MYO9B: variants seen among roughly 807,000 people sequenced by gnomAD.
The protein encoded by MYO9B is myosin IXB.
A neutral mutation model predicts 229.5 loss-of-function variants in MYO9B; 71 were observed. The ratio of observed to expected loss-of-function variants is 0.31; its 90% CI spans 0.26 to 0.38. The LOEUF is 0.38. Among genes scored for constraint, MYO9B ranks in the 10% least tolerant of loss-of-function variants. The probability of loss-of-function intolerance (pLI) is 1.00; values close to 1 mark genes in which losing one functional copy is unlikely to be tolerated. For synonymous variants in MYO9B, 1,185 were observed against 1,235.8 expected (o/e 0.96, Z 0.86); for missense variants, 2,255 against 2,920.5 (o/e 0.77, Z 5.25).
chr19:17,149,344 G>A (rs182261795), intron 3 of MYO9B, among the ~76,000 whole-genome samples: 41 of 152,166 alleles, frequency 2.7e-4, no homozygotes, highest in African/African-American at 9.6e-4. Context: ...CCCACCATTG[G>A]ACCAGACACC....
chr19:17,152,523 G>A lies in MYO9B; in HGVS notation c.936-121G>A, dbSNP rs948226975. On this transcript the variant is annotated intron_variant, in intron 3 of 39. Transcript: ENST00000682292. ...GGTTGCAGTGAGCCGAGATTGTGCC[G>A]TTGTACTCCAGCCTGAACAACAGAG... is the stretch of plus-strand genomic sequence containing the variant. 1.0e-4 allele frequency: 76 copies of A among 724,490 alleles called. 1 individual carries two copies. Among genetic ancestry groups the A allele is most frequent in the Non-Finnish European group, 1.4e-4 (65 of 464,704 alleles). 44.9% of individuals were successfully genotyped at this position (724,490 alleles called of 1,614,324 possible).
chr19:17,165,747 T>C (rs1297650253), intron 10 of MYO9B, among the ~76,000 whole-genome samples: 2 of 152,064 alleles, frequency 1.3e-5, no homozygotes, highest in Non-Finnish European at 2.9e-5. Context: ...TGCACTCCAA[T>C]GTAGGCAACA....
chr19:17,168,187 CAG>C (rs2072681722), intron 11 of MYO9B, 123 bp downstream of exon 11: 23 of 1,319,372 alleles, frequency 1.7e-5, no homozygotes, highest in Non-Finnish European at 2.3e-5. Flanking sequence ...ATTTTTGAGA[CAG>C]GGTCTCACTC....
At chr19:17,112,417 G>A (rs1383746560) in intron 2 of MYO9B, among the ~76,000 whole-genome samples, 1 of 152,212 alleles carries the variant, frequency 6.6e-6, no homozygotes, top group Non-Finnish European at 1.5e-5. Context: ...GTGGCCAGAG[G>A]GAGGCTGGCT....
chr19:17,152,185 AC>A (rs1328616242), intron 3 of MYO9B, among the ~76,000 whole-genome samples: 46 of 140,744 alleles, frequency 3.3e-4, no homozygotes, highest in African/African-American at 1.2e-3. Flanking sequence ...AGACTCCATC[AC>A]AAAAAAAAAA....
chr19:17,191,544 C>T (rs2072985745), intron 20 of MYO9B, among the ~76,000 whole-genome samples: 1 of 152,062 alleles, frequency 6.6e-6, no homozygotes, highest in Non-Finnish European at 1.5e-5. Context: ...CAGGAGGTGG[C>T]CTGCACTTGT....
intron 2 of MYO9B, among the ~76,000 whole-genome samples, chr19:17,125,305 C>CA (rs1396799868): frequency 7.2e-6 from 1 of 138,782 alleles, no homozygotes; most frequent in African/African-American, 2.9e-5. Context: ...CATCCCCCCC[C>CA]CCCCAAAAAA....
At chr19:17,097,531 AG>A (rs1274061189) in intron 1 of MYO9B, among the ~76,000 whole-genome samples, 2 of 152,216 alleles carry the variant, frequency 1.3e-5, no homozygotes, top group Non-Finnish European at 2.9e-5. Flanking sequence ...TAAACTATAC[AG>A]TATATATCTA....
In MYO9B at chr19:17,135,627, G is replaced by A. The variant is rs549111143; in HGVS notation, c.841-9770G>A. Among the ~76,000 whole-genome samples, 20 of 152,318 alleles carry A rather than the reference G, an allele frequency of 1.3e-4. No homozygotes were observed. In the South Asian group the frequency reaches 3.9e-3, roughly 30 times the overall value. ...TAGATGGGCTTTGAAAAGTCGCAGT[G>A]TGCTGAGACCGCATACCAGACGCGT... On this transcript the variant is annotated intron_variant, in intron 2 of 39. Transcript: ENST00000682292.
chr19:17,195,464 C>T lies in MYO9B; in HGVS notation c.4037C>T (p.Thr1346Met), dbSNP rs368137053. The change falls in exon 22 of 40, where the codon ACG (threonine) becomes ATG (methionine). Residue 1346 changes from threonine to methionine, a missense_variant. Around this residue, in one of 7 missense-constraint regions of MYO9B, gnomAD observed 679 missense variants for 770.2 expected, o/e 0.88. Transcript: ENST00000682292. This position sits in a 1 kb window ranked among gnomAD's most constrained non-coding sequence, Gnocchi z 4.5. ...CACCGGGCCACAGGGGCCGCCCTCA[C>T]GCCCACAGAGTAAGCCCCACACCCT... ...DRHRATGAAL[T>M]PTEERRTSFS... 200 of 1,595,546 alleles carry T rather than the reference C, an allele frequency of 1.3e-4. No homozygotes were observed. The highest frequency in any genetic ancestry group is 2.0e-4 in the South Asian group (18 of 89,786).
intron 2 of MYO9B, among the ~76,000 whole-genome samples, chr19:17,130,999 C>G (rs1395865942): frequency 6.6e-6 from 1 of 152,140 alleles, no homozygotes; most frequent in African/African-American, 2.4e-5. Context: ...TGATCGGGCT[C>G]TGTATCTTCC....
chr19:17,092,330 C>G (rs1381463393), intron 1 of MYO9B, among the ~76,000 whole-genome samples: 1 of 152,250 alleles, frequency 6.6e-6, no homozygotes, highest in Non-Finnish European at 1.5e-5. Context: ...GACGGGCCAA[C>G]TCTGCCCAGG....
intron 1 of MYO9B, among the ~76,000 whole-genome samples, chr19:17,086,921 C>T (rs2057588933): frequency 6.7e-6 from 1 of 150,238 alleles, no homozygotes; most frequent in Admixed American, 6.6e-5. Context: ...ATGTCTGTCC[C>T]AGCAGGGACA....
In MYO9B at chr19:17,193,375, C is replaced by T. The variant is rs1482997247; in HGVS notation, c.3128+313C>T. On this transcript the variant is annotated intron_variant, in intron 21 of 39. Transcript: ENST00000682292. This position sits in a 1 kb window ranked among gnomAD's most constrained non-coding sequence, Gnocchi z 4.3. ...TTCAGGGTTGGAGGGGCTGCCTGGA[C>T]CAGCCCAACACTCACATGGAGCTGG... Among the ~76,000 whole-genome samples the T allele has an allele frequency of 6.6e-6, 1 of 152,156 alleles. No individual in the cohort carries two copies. The highest frequency in any genetic ancestry group is 1.5e-5 in the Non-Finnish European group (1 of 68,026).
chr19:17,131,868 T>C (rs1386636217), intron 2 of MYO9B, among the ~76,000 whole-genome samples: 2 of 151,958 alleles, frequency 1.3e-5, no homozygotes, highest in African/African-American at 4.8e-5. Context: ...TTTTAAAATT[T>C]TTCTTTAATT....
At position 17,172,022 on chromosome 19, in the gene MYO9B, A is replaced by G. The variant is rs76635813; in HGVS notation, c.1794-314A>G. 0.043 allele frequency among the ~76,000 whole-genome samples: 6,548 copies of G among 152,234 alleles called. 306 individuals carry two copies. Among genetic ancestry groups the G allele is most frequent in the African/African-American group, 0.11 (4,769 of 41,524 alleles). ...AGCCTCCTTGTACCAGGCTGCAGCT[A>G]TGCCAGCTGACGCAGAGAGCAGAGT... On this transcript the variant is annotated intron_variant, in intron 11 of 39. Transcript: ENST00000682292. The surrounding 1 kb of genome is among the most constrained non-coding windows in gnomAD (Gnocchi z 8.2).
chr19:17,212,494 G>A lies in MYO9B; in HGVS notation c.*184G>A, dbSNP rs1358382733. The A allele has an allele frequency of 1.1e-5, 7 of 657,290 alleles. No individual in the cohort carries two copies. The highest frequency in any genetic ancestry group is 1.9e-5 in the African/African-American group (1 of 52,804). 40.7% of individuals were successfully genotyped at this position (657,290 alleles called of 1,614,324 possible). Reference sequence around the variant, plus strand: ...GCAGGGAGAGGCCGGCTGGAGCCAGGCCCCCTCGCACGCAGCCCCCAAATC... The same window carrying A: ...GCAGGGAGAGGCCGGCTGGAGCCAGACCCCCTCGCACGCAGCCCCCAAATC... On this transcript the variant is annotated 3_prime_UTR_variant, in exon 40 of 40. Coordinates refer to ENST00000682292, the MANE Select transcript of MYO9B (RefSeq NM_004145.4). This position sits in a 1 kb window ranked among gnomAD's most constrained non-coding sequence, Gnocchi z 5.4.
intron 2 of MYO9B, among the ~76,000 whole-genome samples, chr19:17,109,032 T>TTTTATTTATTTA (rs150315844): frequency 5.1e-5 from 7 of 136,618 alleles, no homozygotes; most frequent in Admixed American, 7.4e-5. Flanking sequence ...TTTTTTTTAA[T>TTTTATTTATTTA]TTTATTTATT....
Position 17,101,602 on chromosome 19 carries a change from T to C in MYO9B, c.-58-58T>C, listed in dbSNP as rs2057744995. The C allele has an allele frequency of 1.4e-6, 2 of 1,414,820 alleles. No individual in the cohort carries two copies. The highest frequency in any genetic ancestry group is 2.9e-5 in the African/African-American group (2 of 69,208). 87.6% of individuals were successfully genotyped at this position (1,414,820 alleles called of 1,614,324 possible). ...ATCTGCCCAGGAGTGGGACTCCACATGCCCCTTAAACTTCCTCCCACCATT... is the reference window on the plus strand; with the variant it reads ...ATCTGCCCAGGAGTGGGACTCCACACGCCCCTTAAACTTCCTCCCACCATT... On this transcript the variant is annotated intron_variant, in intron 1 of 39. Coordinates refer to ENST00000682292, the MANE Select transcript of MYO9B (RefSeq NM_004145.4). The surrounding 1 kb of genome is among the most constrained non-coding windows in gnomAD (Gnocchi z 4.7).
Sources: gnomAD v4.1 joint callset for allele counts (sites outside exome capture counted in the v4.1 genomes callset) on GRCh38, gnomAD v4.1.1 for gene constraint, gnomAD v4.1.1 regional missense constraint, Gnocchi (gnomAD v3.1) non-coding constraint, MANE v1.5 for transcripts, NCBI Gene and HGNC (gene_info 2026-07-23, HGNC 2026-07-21) for gene names.